The following CA10 variants were observed in gnomAD, a reference collection of about 807,000 sequenced individuals.
CA10 encodes the protein carbonic anhydrase 10 (inactive).
A neutral mutation model predicts 44.2 loss-of-function variants in CA10; 14 were observed. The observed-to-expected ratio is 0.32, with a 90% CI of 0.21 to 0.50. CA10 has a LOEUF of 0.50. CA10 is among the 20% of genes least tolerant of loss of function. The pLI, the probability that CA10 is intolerant of heterozygous loss-of-function variation, is 0.99. For missense variants in CA10, 350 were observed against 409.7 expected (o/e 0.85, Z 1.26); for synonymous variants, 159 against 141.6 (o/e 1.12, Z -0.87).
intron 4 of CA10, among the ~76,000 whole-genome samples, chr17:51,670,565 C>T (rs1447940370): frequency 1.3e-5 from 2 of 151,990 alleles, no homozygotes; most frequent in Non-Finnish European, 2.9e-5. Context: ...TCTTGTTGGG[C>T]CCTGGCTGAG....
chr17:51,945,671 T>C (rs1034942462), intron 2 of CA10, among the ~76,000 whole-genome samples: 1 of 152,146 alleles, frequency 6.6e-6, no homozygotes, highest in Admixed American at 6.5e-5. Flanking sequence ...TTAGTAGAGC[T>C]AGCCTTCTGC....
intron 1 of CA10, among the ~76,000 whole-genome samples, chr17:52,111,957 A>C (rs1988796403): frequency 6.6e-6 from 1 of 152,142 alleles, no homozygotes; most frequent in Admixed American, 6.5e-5. Context: ...AAACAAATCT[A>C]GCAGGTGGTT....
intron 6 of CA10, among the ~76,000 whole-genome samples, chr17:51,640,414 C>T (rs1292700304): frequency 6.6e-6 from 1 of 152,160 alleles, no homozygotes; most frequent in African/African-American, 2.4e-5. Flanking sequence ...AGATTGCCTG[C>T]CCTGTTTCCA....
intron 2 of CA10, among the ~76,000 whole-genome samples, chr17:51,978,622 T>A (rs922209791): frequency 2.0e-5 from 3 of 152,074 alleles, no homozygotes; most frequent in Non-Finnish European, 2.9e-5. Context: ...GGTCTTAAGG[T>A]AGGCAATAAT....
At chr17:52,154,306 C>G (rs917593698) in intron 1 of CA10, among the ~76,000 whole-genome samples, 1 of 152,088 alleles carries the variant, frequency 6.6e-6, no homozygotes, top group Admixed American at 6.6e-5. Flanking sequence ...GTTGCTATAT[C>G]TATAAGATTA....
chr17:51,743,879 T>C (rs1313549708), intron 4 of CA10, among the ~76,000 whole-genome samples: 2 of 152,178 alleles, frequency 1.3e-5, no homozygotes, highest in African/African-American at 4.8e-5. Flanking sequence ...ATTCGCGCAA[T>C]CTACCCACAT....
At chr17:51,754,247 A>G (rs1025194844) in intron 3 of CA10, among the ~76,000 whole-genome samples, 5 of 150,926 alleles carry the variant, frequency 3.3e-5, no homozygotes, top group African/African-American at 4.9e-5. Flanking sequence ...GTTTAGGATT[A>G]CTTACTGTTT....
At chr17:51,635,741 T>C in intron 7 of CA10, 114 bp downstream of exon 7, 1 of 758,162 alleles carries the variant, frequency 1.3e-6, no homozygotes, top group Non-Finnish European at 2.0e-6. Context: ...ACCCAGTTTG[T>C]GGGACTTTGT....
intron 3 of CA10, among the ~76,000 whole-genome samples, chr17:51,885,115 C>G (rs1051197305): frequency 1.4e-4 from 22 of 152,192 alleles, no homozygotes; most frequent in African/African-American, 5.3e-4. Context: ...ACCCCTAGCA[C>G]CATATGACAT....
chr17:52,009,886 A>G (rs926248007), intron 2 of CA10, among the ~76,000 whole-genome samples: 12 of 151,992 alleles, frequency 7.9e-5, no homozygotes, highest in Non-Finnish European at 1.6e-4. Context: ...AAATCTAAAA[A>G]GAACTCAAAT....
chr17:51,827,221 A>G (rs552674050), intron 3 of CA10, among the ~76,000 whole-genome samples: 12 of 152,286 alleles, frequency 7.9e-5, no homozygotes, highest in African/African-American at 2.9e-4. Flanking sequence ...TGGGAGACAC[A>G]AAGTTAAACA....
chr17:51,863,785 G>A (rs1459476761), intron 3 of CA10, among the ~76,000 whole-genome samples: 1 of 152,170 alleles, frequency 6.6e-6, no homozygotes, highest in Admixed American at 6.5e-5. Context: ...AAGTCTGGGA[G>A]GATTCTAAAT....
At chr17:51,640,056 T>G (rs1046907459) in intron 6 of CA10, among the ~76,000 whole-genome samples, 5 of 152,224 alleles carry the variant, frequency 3.3e-5, no homozygotes, top group Admixed American at 1.3e-4. Flanking sequence ...TTTTTTGCTG[T>G]ATTTACTGAA....
intron 1 of CA10, among the ~76,000 whole-genome samples, chr17:52,077,821 G>A (rs1204364478): frequency 1.3e-5 from 2 of 152,042 alleles, no homozygotes; most frequent in Admixed American, 6.6e-5. Flanking sequence ...TTTCCATTGG[G>A]CTAAACCACC....
intron 1 of CA10, among the ~76,000 whole-genome samples, chr17:52,112,832 T>G (rs1452684588): frequency 1.3e-5 from 2 of 152,188 alleles, no homozygotes; most frequent in Non-Finnish European, 2.9e-5. Flanking sequence ...CTTCTGCCCT[T>G]TCTCATGGAT....
intron 1 of CA10, among the ~76,000 whole-genome samples, chr17:52,111,864 C>T (rs1386185490): frequency 2.0e-5 from 3 of 152,078 alleles, no homozygotes; most frequent in African/African-American, 7.2e-5. Context: ...TAAAAAGGAG[C>T]CTAAACAGGT....
intron 4 of CA10, among the ~76,000 whole-genome samples, chr17:51,659,368 C>T (rs1389545230): frequency 6.6e-6 from 1 of 152,160 alleles, no homozygotes; most frequent in Non-Finnish European, 1.5e-5. Flanking sequence ...ACCATCAGCA[C>T]CTCCTGGTTC....
At position 51,736,014 on chromosome 17, in the gene CA10, T is replaced by C. The variant is rs77674744; in HGVS notation, c.465+11619A>G. 9.6e-3 allele frequency among the ~76,000 whole-genome samples: 1,465 copies of C among 152,314 alleles called. 19 individuals are homozygous for C. Among genetic ancestry groups the C allele is most frequent in the African/African-American group, 0.025 (1,051 of 41,572 alleles). On this transcript the variant is annotated intron_variant, in intron 4 of 8. Transcript: ENST00000451037. ...CATTTTGGTCATGGTTACACAACTA[T>C]GTATTTGTGAAAAAGCATCATATTG...
chr17:52,097,386 A>G (rs1013219239), intron 1 of CA10, among the ~76,000 whole-genome samples: 1 of 152,186 alleles, frequency 6.6e-6, no homozygotes, highest in African/African-American at 2.4e-5. Flanking sequence ...AGTCTTGTTT[A>G]TATATTTTGT....
Sources: gnomAD v4.1 joint callset for allele counts (sites outside exome capture counted in the v4.1 genomes callset) on GRCh38, gnomAD v4.1.1 for gene constraint, MANE v1.5 for transcripts, NCBI Gene and HGNC (gene_info 2026-07-23, HGNC 2026-07-21) for gene names.